The following ATG7 variants were observed in gnomAD, a reference collection of about 807,000 sequenced individuals.
The protein encoded by ATG7 is ubiquitin-like modifier-activating enzyme ATG7.
Under a neutral mutation model 82.4 loss-of-function variants are expected in ATG7, and 70 were observed. The observed-to-expected ratio is 0.85, with a 90% CI of 0.70 to 1.04. The LOEUF (loss-of-function observed/expected upper bound fraction) is 1.04. Among genes scored for constraint, ATG7 ranks in the 50% least tolerant of loss-of-function variants. The pLI is 0.00. For synonymous variants in ATG7, 287 were observed against 313.0 expected, an observed-to-expected ratio of 0.92 and a Z score of 0.88; for missense variants, 792 against 864.3, an observed-to-expected ratio of 0.92 and a Z score of 1.05.
chr3:11,385,067 C>G (rs1193438298), intron 19 of ATG7, among the ~76,000 whole-genome samples: 1 of 152,190 alleles, frequency 6.6e-6, no homozygotes, highest in Non-Finnish European at 1.5e-5. Flanking sequence ...GTCTTGCTCA[C>G]TTGCGAGGCT....
chr3:11,370,435 T>C (rs1259734982), intron 18 of ATG7, among the ~76,000 whole-genome samples: 5 of 151,212 alleles, frequency 3.3e-5, no homozygotes, highest in African/African-American at 1.2e-4. Flanking sequence ...ATTGCTACAC[T>C]CTCCATTTTG....
chr3:11,380,870 TG>T (rs1490118680), intron 19 of ATG7, among the ~76,000 whole-genome samples: 1 of 152,228 alleles, frequency 6.6e-6, no homozygotes, highest in East Asian at 1.9e-4. Flanking sequence ...AGCCTTCGTC[TG>T]TCTGCCACTG....
intron 18 of ATG7, among the ~76,000 whole-genome samples, chr3:11,378,674 G>A (rs2077624864): frequency 1.1e-5 from 1 of 87,796 alleles, no homozygotes. Flanking sequence ...GACAGAGTGA[G>A]ACTCCATCTC....
At chr3:11,422,611 AC>A (rs1179698948) in intron 19 of ATG7, among the ~76,000 whole-genome samples, 5 of 151,944 alleles carry the variant, frequency 3.3e-5, no homozygotes, top group East Asian at 1.9e-4. Flanking sequence ...TTGGAGTAGC[AC>A]TTATAATTTC....
At chr3:11,408,853 C>T (rs924296893) in intron 19 of ATG7, among the ~76,000 whole-genome samples, 21 of 152,138 alleles carry the variant, frequency 1.4e-4, no homozygotes, top group African/African-American at 4.6e-4. Flanking sequence ...GGGGACACAG[C>T]AAATCCATAT....
chr3:11,550,804 A>G (rs1448285931), intron 20 of ATG7, among the ~76,000 whole-genome samples: 1 of 151,452 alleles, frequency 6.6e-6, no homozygotes, highest in Non-Finnish European at 1.5e-5. Context: ...TATTGCATGC[A>G]TGTGTTTTTG....
At chr3:11,551,905 C>T (rs773281790) in intron 20 of ATG7, among the ~76,000 whole-genome samples, 12 of 152,042 alleles carry the variant, frequency 7.9e-5, no homozygotes, top group Non-Finnish European at 1.5e-4. Context: ...CCCACCACCA[C>T]GCCTGGCTAA....
intron 18 of ATG7, among the ~76,000 whole-genome samples, chr3:11,374,592 A>G (rs1324663334): frequency 6.6e-6 from 1 of 152,186 alleles, no homozygotes; most frequent in African/African-American, 2.4e-5. Context: ...CTGCACTAAA[A>G]TAAACTGTTG....
intron 20 of ATG7, among the ~76,000 whole-genome samples, chr3:11,450,802 T>C (rs1027334892): frequency 1.2e-4 from 19 of 152,244 alleles, no homozygotes; most frequent in African/African-American, 4.6e-4. Flanking sequence ...GTTAAGATCG[T>C]ATTTTCTGAT....
At chr3:11,436,790 AT>A (rs1399513857) in intron 20 of ATG7, among the ~76,000 whole-genome samples, 2 of 152,218 alleles carry the variant, frequency 1.3e-5, no homozygotes, top group Non-Finnish European at 1.5e-5. Context: ...TGTTACACTA[AT>A]TGAAGAAGCC....
intron 19 of ATG7, among the ~76,000 whole-genome samples, chr3:11,408,863 T>A (rs1428339727): frequency 6.6e-6 from 1 of 152,176 alleles, no homozygotes; most frequent in Non-Finnish European, 1.5e-5. Flanking sequence ...CAAATCCATA[T>A]TAGTCTCCCA....
intron 3 of ATG7, chr3:11,290,607 G>C (rs1450115372): frequency 3.1e-6 from 1 of 322,014 alleles, no homozygotes; most frequent in African/African-American, 2.3e-5. Context: ...CAGGTAGGCA[G>C]ACTTTATTTT....
chr3:11,416,208 G>C (rs2081362394), intron 19 of ATG7, among the ~76,000 whole-genome samples: 2 of 152,198 alleles, frequency 1.3e-5, no homozygotes, highest in South Asian at 4.1e-4. Flanking sequence ...TTAGGGTGAT[G>C]CTGGCCTTAT....
At chr3:11,315,886 T>G (rs1214148199) in intron 9 of ATG7, among the ~76,000 whole-genome samples, 1 of 152,124 alleles carries the variant, frequency 6.6e-6, no homozygotes, top group Non-Finnish European at 1.5e-5. Flanking sequence ...CCACCATGCC[T>G]GGCTAATTTT....
chr3:11,413,446 T>A (rs2081096740), intron 19 of ATG7, among the ~76,000 whole-genome samples: 1 of 152,194 alleles, frequency 6.6e-6, no homozygotes, highest in Non-Finnish European at 1.5e-5. Flanking sequence ...CCCCACTTTC[T>A]TCAGTTTATA....
intron 1 of ATG7, among the ~76,000 whole-genome samples, chr3:11,277,891 AC>A (rs71626995): frequency 0.19 from 11,551 of 60,728 alleles, 1,460 homozygotes; most frequent in African/African-American, 0.28. Context: ...CCCTTTATAG[AC>A]CCCCCCCCCC....
chr3:11,555,239 C>T lies in ATG7; in HGVS notation c.*396C>T. 5.1e-6 allele frequency: 1 copy of T among 197,780 alleles called. No individual in the cohort carries two copies. The highest frequency in any genetic ancestry group is 1.0e-5 in the Non-Finnish European group (1 of 98,164). The allele number at this position is 197,780 out of a possible 1,614,324, so 12.3% of individuals were successfully genotyped here. A position where few individuals can be genotyped will look rare whatever the true frequency, so the allele number is the denominator to read the frequency against. ...CAGAGCCACTGCGGGAGGTGGCACC[C>T]TCATCCCCGGAATGTGCTGCCCACC... On this transcript the variant is annotated 3_prime_UTR_variant, in exon 21 of 21. Transcript: ENST00000693202.
At chr3:11,409,587 C>A (rs752671112) in intron 19 of ATG7, among the ~76,000 whole-genome samples, 24 of 140,708 alleles carry the variant, frequency 1.7e-4, no homozygotes, top group Non-Finnish European at 2.2e-4. Flanking sequence ...TGATGAGCAT[C>A]TGTTTTTCTT....
At chr3:11,529,746 C>G (rs1297433573) in intron 20 of ATG7, 1 of 152,414 alleles carries the variant, frequency 6.6e-6, no homozygotes, top group African/African-American at 2.4e-5. Flanking sequence ...AGGGGACACC[C>G]CACACGTCAT....
Sources: gnomAD v4.1 joint callset for allele counts (sites outside exome capture counted in the v4.1 genomes callset) on GRCh38, gnomAD v4.1.1 for gene constraint, MANE v1.5 for transcripts, NCBI Gene and HGNC (gene_info 2026-07-23, HGNC 2026-07-21) for gene names.